Variants in BAZ2A observed in about 807,000 individuals in gnomAD.
The protein encoded by BAZ2A is bromodomain adjacent to zinc finger domain protein 2A.
In BAZ2A, 34 loss-of-function variants were observed where a neutral mutation model predicts 199.9. The ratio of observed to expected loss-of-function variants is 0.17; its 90% CI spans 0.13 to 0.23. The LOEUF is 0.23. Ranked by LOEUF, BAZ2A falls within the 10% of genes least tolerant of loss-of-function variation. The pLI, the probability that BAZ2A is intolerant of heterozygous loss-of-function variation, is 1.00. For missense variants in BAZ2A, 2,002 were observed against 2,391.1 expected (o/e 0.84, Z 3.39); for synonymous variants, 857 against 883.9 (o/e 0.97, Z 0.54).
At position 56,598,881 on chromosome 12, in the gene BAZ2A, G is replaced by A; in HGVS notation, c.5533C>T (p.Leu1845=). The change falls in exon 28 of 29, where the codon CTG becomes TTG. Residue 1845 remains leucine (L), a synonymous_variant. Transcript: ENST00000549884. ...ACATCTACTTACCCTCCCCTGAGCA[G>A]CCGCTCCCGCATGGTGGAAAAATCC... ...PMDFSTMRER[L]LRGGYTSSEE... 1.2e-6 allele frequency: 2 copies of A among 1,606,712 alleles called. No homozygotes were observed. Among genetic ancestry groups the A allele is most frequent in the East Asian group, 2.2e-5 (1 of 44,588 alleles).
chr12:56,604,401 T>A, intron 15 of BAZ2A, 110 bp from the exon 16 acceptor site: 1 of 1,342,260 alleles, frequency 7.5e-7, no homozygotes, highest in Non-Finnish European at 1.0e-6. Flanking sequence ...GAACCCAGAT[T>A]GGGTGAATGG....
intron 13 of BAZ2A, 76 bp downstream of exon 13, chr12:56,605,754 T>C (rs1950328273): frequency 2.1e-6 from 3 of 1,399,900 alleles, no homozygotes; most frequent in Admixed American, 2.5e-5. Flanking sequence ...GTCTCTCCCA[T>C]TGCAGAAGTC....
chr12:56,623,161 G>A (rs1950975998), intron 1 of BAZ2A, among the ~76,000 whole-genome samples: 4 of 151,994 alleles, frequency 2.6e-5, no homozygotes, highest in South Asian at 2.1e-4. Flanking sequence ...GCGTGAACCC[G>A]GGAGGTGGAG....
intron 7 of BAZ2A, among the ~76,000 whole-genome samples, chr12:56,611,061 C>A (rs1950543435): frequency 6.6e-6 from 1 of 152,080 alleles, no homozygotes. Context: ...ACTTGGTGAC[C>A]ACAAGTAGCC....
intron 18 of BAZ2A, 63 bp from the exon 19 acceptor site, chr12:56,602,920 T>C: frequency 6.6e-7 from 1 of 1,519,722 alleles, no homozygotes; most frequent in Non-Finnish European, 8.9e-7. Context: ...GGTGAATTCA[T>C]CCAGTATATC....
At chr12:56,627,040 A>T (rs1443581051) in intron 1 of BAZ2A, among the ~76,000 whole-genome samples, 2 of 152,222 alleles carry the variant, frequency 1.3e-5, no homozygotes, top group African/African-American at 4.8e-5. Flanking sequence ...ACTTTCACAC[A>T]ATCATAAGTG....
In BAZ2A at chr12:56,604,608, G is replaced by C. The variant is rs1592567046; in HGVS notation, c.2940C>G (p.Leu980=). The C allele has an allele frequency of 6.3e-7, 1 of 1,596,102 alleles. No homozygotes were observed. The change falls in exon 15 of 29, where the codon CTC becomes CTG. Residue 980 remains leucine, a synonymous_variant. Transcript: ENST00000549884. ...AAVLAFLVHE[L]NGSTLIINEI... ...ACTTGATGATGAGGGTGGAGCCATT[G>C]AGCTCATGCACAAGGAAGGCCAGGA... is the stretch of plus-strand genomic sequence containing the variant.
chr12:56,637,121 G>C (rs1951466551), upstream of BAZ2A, among the ~76,000 whole-genome samples: 3 of 152,208 alleles, frequency 2.0e-5, no homozygotes, highest in Admixed American at 1.3e-4. Flanking sequence ...CTTTAACTGA[G>C]AGCCACATCC....
intron 2 of BAZ2A, among the ~76,000 whole-genome samples, chr12:56,616,744 T>A (rs1190577221): frequency 2.0e-5 from 3 of 152,062 alleles, no homozygotes; most frequent in African/African-American, 7.2e-5. Flanking sequence ...GAGGGAAGCA[T>A]GTGGGCTTCT....
chr12:56,629,639 C>T (rs955851573), intron 1 of BAZ2A, among the ~76,000 whole-genome samples: 1 of 152,166 alleles, frequency 6.6e-6, no homozygotes, highest in African/African-American at 2.4e-5. Flanking sequence ...GAGACACCCT[C>T]AGACCCCTGG....
At chr12:56,604,916 A>C (rs1950296583) in intron 14 of BAZ2A, 117 bp from the exon 15 acceptor site, 1 of 1,380,910 alleles carries the variant, frequency 7.2e-7, no homozygotes, top group Non-Finnish European at 9.7e-7. Context: ...CAGAATACGA[A>C]AGAAGACCAC....
At chr12:56,618,058 C>A (rs1275795546) in intron 1 of BAZ2A, among the ~76,000 whole-genome samples, 1 of 152,130 alleles carries the variant, frequency 6.6e-6, no homozygotes, top group Non-Finnish European at 1.5e-5. Context: ...CCCTAGATAT[C>A]TCAAGATAGT....
chr12:56,616,274 T>A (rs1950720605), intron 2 of BAZ2A, among the ~76,000 whole-genome samples: 1 of 152,084 alleles, frequency 6.6e-6, no homozygotes, highest in Admixed American at 6.6e-5. Context: ...CCTACTCTCA[T>A]TCCCTAGGGG....
chr12:56,628,172 C>A lies in BAZ2A; in HGVS notation c.-3+1953G>T, dbSNP rs569591295. 6.3e-3 allele frequency among the ~76,000 whole-genome samples: 363 copies of A among 57,802 alleles called. 4 individuals carry two copies. The highest frequency in any genetic ancestry group is 0.026 in the African/African-American group (346 of 13,290). 37.9% of individuals were successfully genotyped at this position (57,802 alleles called of 152,430 possible). ...AGCCTGGGCGACAAAAGCAAAACTC[C>A]GTCTCAAAAAAAAAAAAAAAAAAAA... On this transcript the variant is annotated intron_variant, in intron 1 of 28. Coordinates refer to ENST00000549884, the MANE Select transcript of BAZ2A (RefSeq NM_001300905.2).
chr12:56,617,255 T>A (rs1022621293), intron 2 of BAZ2A, 140 bp downstream of exon 2: 25 of 1,061,812 alleles, frequency 2.4e-5, no homozygotes, highest in Non-Finnish European at 3.0e-5. Context: ...ATACAAAAAA[T>A]GTTTCCAAAA....
intron 23 of BAZ2A, 74 bp downstream of exon 23, chr12:56,600,606 AG>A: frequency 6.4e-7 from 1 of 1,573,826 alleles, no homozygotes; most frequent in South Asian, 1.2e-5. Flanking sequence ...GTAGGGACCC[AG>A]GGTTTTTTCT....
At chr12:56,612,939 G>A (rs889488462) in intron 5 of BAZ2A, 76 bp downstream of exon 5, 3 of 1,463,640 alleles carry the variant, frequency 2.0e-6, no homozygotes, top group Non-Finnish European at 2.8e-6. Flanking sequence ...CCACTCTTAA[G>A]GCCCTAACTA....
At chr12:56,599,047 GA>G (rs567166976) in intron 27 of BAZ2A, 36 bp from the exon 28 acceptor site, 6 of 1,606,408 alleles carry the variant, frequency 3.7e-6, no homozygotes, top group Non-Finnish European at 5.1e-6. Flanking sequence ...TCCATCTCAG[GA>G]AGCAAATATA....
chr12:56,634,547 C>A (rs1022205707), upstream of BAZ2A, among the ~76,000 whole-genome samples: 1 of 152,228 alleles, frequency 6.6e-6, no homozygotes, highest in Admixed American at 6.5e-5. Flanking sequence ...CCCCCGCCCC[C>A]CTTACTACGG....
Sources: allele counts gnomAD v4.1 joint callset (sites outside exome capture counted in the v4.1 genomes callset), GRCh38; gene constraint gnomAD v4.1.1; transcripts MANE v1.5; gene names NCBI Gene and HGNC (gene_info 2026-07-23, HGNC 2026-07-21).